The following TPD52 variants were observed in gnomAD, a reference collection of about 807,000 sequenced individuals.
TPD52 encodes prostate and colon associated protein.
In TPD52, 17 loss-of-function variants were observed where a neutral mutation model predicts 31.3. That is an observed-to-expected ratio of 0.54 (90% CI 0.37 to 0.82). TPD52 has a LOEUF of 0.82. Ranked by LOEUF, TPD52 falls within the 40% of genes least tolerant of loss-of-function variation. The pLI is 0.00. For missense variants in TPD52, 212 were observed against 240.1 expected, an observed-to-expected ratio of 0.88 and a Z score of 0.77; for synonymous variants, 83 against 89.6, an observed-to-expected ratio of 0.93 and a Z score of 0.42.
At chr8:80,072,736 T>TACACACACAC (rs1214214264) in intron 1 of TPD52, among the ~76,000 whole-genome samples, 3 of 149,786 alleles carry the variant, frequency 2.0e-5, no homozygotes, top group African/African-American at 7.6e-5. Flanking sequence ...TATACATATA[T>TACACACACAC]ATACACACAC....
intron 1 of TPD52, among the ~76,000 whole-genome samples, chr8:80,106,875 G>A (rs1328323343): frequency 1.4e-5 from 2 of 146,162 alleles, no homozygotes; most frequent in Non-Finnish European, 3.0e-5. Context: ...TTTTTGAGAC[G>A]GAGTTTCGCT....
chr8:80,139,365 C>A (rs1402567507), intron 1 of TPD52, among the ~76,000 whole-genome samples: 1 of 151,772 alleles, frequency 6.6e-6, no homozygotes, highest in African/African-American at 2.4e-5. Flanking sequence ...ATTTTCATAC[C>A]CCAAAAAGAA....
At chr8:80,150,505 A>G (rs71516977) in intron 1 of TPD52, among the ~76,000 whole-genome samples, 2 of 152,206 alleles carry the variant, frequency 1.3e-5, no homozygotes, top group Non-Finnish European at 2.9e-5. Flanking sequence ...GTGTACCTGG[A>G]AAAGCCACAG....
At chr8:80,157,121 T>C (rs563655596) in intron 1 of TPD52, among the ~76,000 whole-genome samples, 1 of 152,184 alleles carries the variant, frequency 6.6e-6, no homozygotes, top group Non-Finnish European at 1.5e-5. Flanking sequence ...CTCATCAGAC[T>C]TCACTACTTT....
intron 1 of TPD52, among the ~76,000 whole-genome samples, chr8:80,124,990 C>T (rs1265422089): frequency 6.6e-6 from 1 of 152,212 alleles, no homozygotes; most frequent in African/African-American, 2.4e-5. Flanking sequence ...TACACTGATA[C>T]ATCATTATCA....
rs549470258 is a variant in TPD52 at position 80,107,741 on chromosome 8, C to A, written c.20-43148G>T. ...AACTCTCAGAAATGCAGAAACTGAC[C>A]CAAATGTGTGTTTTTTTTTTAATAA... is the stretch of plus-strand genomic sequence containing the variant. On this transcript the variant is annotated intron_variant, in intron 1 of 7. Coordinates refer to ENST00000518937, the MANE Select transcript of TPD52 (RefSeq NM_001025253.3). Among the ~76,000 whole-genome samples the A allele has an allele frequency of 4.6e-5, 7 of 150,946 alleles. No individual in the cohort carries two copies. In the South Asian group the frequency reaches 1.5e-3, roughly 32 times the overall value.
At chr8:80,117,055 C>A (rs922578918) in intron 1 of TPD52, among the ~76,000 whole-genome samples, 1 of 152,152 alleles carries the variant, frequency 6.6e-6, no homozygotes, top group Non-Finnish European at 1.5e-5. Context: ...TCTTAGTTAA[C>A]AAAGACCGAA....
At chr8:80,123,896 G>A (rs936211043) in intron 1 of TPD52, among the ~76,000 whole-genome samples, 1 of 152,170 alleles carries the variant, frequency 6.6e-6, no homozygotes, top group Non-Finnish European at 1.5e-5. Context: ...AAAAGGAATG[G>A]ACAACAGCGT....
At chr8:80,040,183 T>TC (rs1810237813) in intron 7 of TPD52, among the ~76,000 whole-genome samples, 2 of 143,022 alleles carry the variant, frequency 1.4e-5, no homozygotes, top group East Asian at 2.0e-4. Flanking sequence ...TAATACGCTA[T>TC]CCTTTTTTTT....
At chr8:80,044,666 C>G (rs962608010) in intron 5 of TPD52, among the ~76,000 whole-genome samples, 1 of 152,124 alleles carries the variant, frequency 6.6e-6, no homozygotes, top group African/African-American at 2.4e-5. Flanking sequence ...ACTGCCCACT[C>G]AAGGACAATG....
At chr8:80,080,694 T>C (rs1169860557) in intron 1 of TPD52, 3 of 1,195,692 alleles carry the variant, frequency 2.5e-6, no homozygotes, top group African/African-American at 3.1e-5. Flanking sequence ...GGAGGGGCTC[T>C]ATTCACCACC....
At chr8:80,072,815 A>ATATATATATATATATATATATATATAT (rs1586229273) in intron 1 of TPD52, among the ~76,000 whole-genome samples, 2 of 151,142 alleles carry the variant, frequency 1.3e-5, no homozygotes, top group African/African-American at 4.9e-5. Context: ...ATATATATAT[A>ATATATATATATATATATATATATATAT]AACTTGGCCA....
At chr8:80,109,129 C>T (rs1807328178) in intron 1 of TPD52, among the ~76,000 whole-genome samples, 1 of 152,084 alleles carries the variant, frequency 6.6e-6, no homozygotes, top group African/African-American at 2.4e-5. Flanking sequence ...TCCCAGCAGA[C>T]CCAGGAACCT....
chr8:80,127,191 ACAAT>A (rs1554590918), intron 1 of TPD52, among the ~76,000 whole-genome samples: 1 of 152,212 alleles, frequency 6.6e-6, no homozygotes, highest in Non-Finnish European at 1.5e-5. Flanking sequence ...CCACTGTCAA[ACAAT>A]CAATTGACTC....
In TPD52 at chr8:80,037,974, C is replaced by G; in HGVS notation, c.*142G>C. On this transcript the variant is annotated 3_prime_UTR_variant, in exon 8 of 8. Transcript: ENST00000518937. ...TGAAGATATTTTCATTTTGTTTAAC[C>G]CACAAACTATTTGGTCAAAGGAATA... is the stretch of plus-strand genomic sequence containing the variant. 1 of 1,190,880 alleles carries G rather than the reference C, an allele frequency of 8.4e-7. No individual in the cohort carries two copies. Among genetic ancestry groups the G allele is most frequent in the South Asian group, 1.7e-5 (1 of 60,252 alleles). 73.8% of individuals were successfully genotyped at this position (1,190,880 alleles called of 1,614,324 possible). A position where few individuals can be genotyped will look rare whatever the true frequency, so the allele number is the denominator to read the frequency against.
At chr8:80,118,289 C>T (rs114914481) in intron 1 of TPD52, among the ~76,000 whole-genome samples, 4,171 of 152,198 alleles carry the variant, frequency 0.027, 184 homozygotes, top group African/African-American at 0.094. Flanking sequence ...CTACCTCAAA[C>T]CATACACTTA....
intron 1 of TPD52, among the ~76,000 whole-genome samples, chr8:80,072,172 G>A (rs1212336778): frequency 1.3e-5 from 2 of 152,184 alleles, no homozygotes; most frequent in Non-Finnish European, 2.9e-5. Flanking sequence ...GCTGGGCGTG[G>A]TGGCGTGCAC....
intron 5 of TPD52, among the ~76,000 whole-genome samples, chr8:80,049,788 CT>C (rs987009703): frequency 6.6e-6 from 1 of 152,132 alleles, no homozygotes; most frequent in Non-Finnish European, 1.5e-5. Context: ...TTTTAATGTG[CT>C]TTTTTTAGCT....
At chr8:80,051,434 T>C (rs777652400) in intron 4 of TPD52, 93 bp downstream of exon 4, 5 of 1,216,630 alleles carry the variant, frequency 4.1e-6, no homozygotes, top group African/African-American at 1.5e-5. Context: ...GTAGCTAGCA[T>C]CAACTAGAGC....
Sources: allele counts gnomAD v4.1 joint callset (sites outside exome capture counted in the v4.1 genomes callset), GRCh38; gene constraint gnomAD v4.1.1; transcripts MANE v1.5; gene names NCBI Gene and HGNC (gene_info 2026-07-23, HGNC 2026-07-21).